Variants in POLR3C observed in about 807,000 individuals in gnomAD.
POLR3C encodes RNA polymerase III subunit C.
A neutral mutation model predicts 65.9 loss-of-function variants in POLR3C; 44 were observed. The observed-to-expected ratio is 0.67, with a 90% CI of 0.52 to 0.86. POLR3C has a LOEUF of 0.86. POLR3C is among the 40% of genes least tolerant of loss of function. The probability of loss-of-function intolerance (pLI) is 0.00; values close to 1 mark genes in which losing one functional copy is unlikely to be tolerated. For missense variants in POLR3C, 576 were observed against 653.2 expected (o/e 0.88, Z 1.29); for synonymous variants, 263 against 231.6 (o/e 1.14, Z -1.23).
At position 145,836,859 on chromosome 1, in the gene POLR3C, T is replaced by C; in HGVS notation, c.1002T>C (p.Tyr334=). The C allele has an allele frequency of 1.9e-6, 3 of 1,572,984 alleles. No individual in the cohort carries two copies. Among genetic ancestry groups the C allele is most frequent in the Admixed American group, 1.7e-5 (1 of 59,408 alleles). Residue 334 remains tyrosine, a synonymous_variant, in exon 9 of 15, where the codon TAT becomes TAC. Transcript: ENST00000334163. ...GKSGDSGGGM[Y]VINLHKALAS... The stretch of plus-strand genomic sequence containing the variant: ...CTGGCGACAGTGGTGGAGGAATGTA[T>C]GTCATCAGTATCCTTACCAGTTATT...
Position 145,825,915 on chromosome 1 carries a change from C to G in POLR3C, c.139C>G (p.Leu47Val). 1 of 1,611,386 alleles carries G rather than the reference C, an allele frequency of 6.2e-7. No individual in the cohort carries two copies. Among genetic ancestry groups the G allele is most frequent in the Non-Finnish European group, 8.5e-7 (1 of 1,177,502 alleles). ...RVIAHDTGTS[L>V]DQVKKALCVL... ...AATTGCCCATGACACAGGAACATCA[C>G]TGGATCAGGTATGTCTAAATGACAT... is the stretch of plus-strand genomic sequence containing the variant. The change falls in exon 2 of 15, where the codon CTG (leucine) becomes GTG (valine). Residue 47 changes from leucine (L) to valine (V), a missense_variant. Leu to Val is a conservative substitution (Grantham distance 32). Transcript: ENST00000334163.
intron 1 of POLR3C, among the ~76,000 whole-genome samples, chr1:145,824,934 C>T (rs1025632759): frequency 6.6e-6 from 1 of 151,980 alleles, no homozygotes; most frequent in African/African-American, 2.4e-5. Context: ...TGTGACAGAC[C>T]GCAAAATCAT....
chr1:145,826,035 T>G, intron 2 of POLR3C, 112 bp downstream of exon 2: 1 of 826,290 alleles, frequency 1.2e-6, no homozygotes, highest in Non-Finnish European at 1.9e-6. Context: ...AAGCCTGCCC[T>G]TGGAGCAGAA....
chr1:145,837,946 C>G, intron 10 of POLR3C, 110 bp from the exon 11 acceptor site: 1 of 954,166 alleles, frequency 1.0e-6, no homozygotes, highest in Admixed American at 2.2e-5. Context: ...GATCACTGTT[C>G]CTGTCTGGTA....
rs1553730059 is a variant in POLR3C at position 145,840,104 on chromosome 1, C to T, written c.1324-12C>T. On this transcript the variant is annotated splice_polypyrimidine_tract_variant and intron_variant, in intron 12 of 14. Coordinates refer to ENST00000334163, the MANE Select transcript of POLR3C (RefSeq NM_006468.8). Reference sequence around the variant, plus strand: ...ACTATGTGCATTCCTTGTCTGTCTTCTCTTTCCTCAGAGCATAGCCAACTT... The same window carrying T: ...ACTATGTGCATTCCTTGTCTGTCTTTTCTTTCCTCAGAGCATAGCCAACTT... The T allele has an allele frequency of 6.2e-7, 1 of 1,603,700 alleles. No individual in the cohort carries two copies. The highest frequency in any genetic ancestry group is 2.2e-5 in the East Asian group (1 of 44,840).
intron 5 of POLR3C, among the ~76,000 whole-genome samples, chr1:145,832,504 G>A (rs1553727437): frequency 6.6e-6 from 1 of 152,076 alleles, no homozygotes; most frequent in African/African-American, 2.4e-5. Context: ...TACCAATATG[G>A]GCATTAACCT....
At position 145,826,837 on chromosome 1, in the gene POLR3C, T is replaced by G. The variant is rs1650795663; in HGVS notation, c.421T>G (p.Tyr141Asp). 6.2e-7 allele frequency: 1 copy of G among 1,609,916 alleles called. No homozygotes were observed. Among genetic ancestry groups the G allele is most frequent in the African/African-American group, 1.3e-5 (1 of 74,702 alleles). Residue 141 changes from tyrosine (Y) to aspartate (D), a missense_variant, in exon 4 of 15, where the codon TAT (tyrosine) becomes GAT (aspartate). Transcript: ENST00000334163. ...ETMEDGKTMD[Y>D]AEVSNTFVRL... is the part of the protein sequence containing the mutation. The stretch of plus-strand genomic sequence containing the variant: ...TTATACAGATGGCAAGACCATGGAC[T>G]ATGCTGAAGTATCAAACACATTTGT...
At chr1:145,840,461 A>C in intron 13 of POLR3C, 2 of 345,660 alleles carry the variant, frequency 5.8e-6, no homozygotes, top group Non-Finnish European at 1.1e-5. Context: ...AATCACTTAA[A>C]CCCAGTGAGT....
chr1:145,825,877 A>C lies in POLR3C; in HGVS notation c.101A>C (p.Gln34Pro). ...GTCCATCTGATAAGAACCGGCAGCC[A>C]GCCACTAAGAGTAATTGCCCATGAC... ...IGVHLIRTGS[Q>P]PLRVIAHDTG... The change falls in exon 2 of 15, where the codon CAG becomes CCG. Residue 34 changes from glutamine to proline, a missense_variant. Coordinates refer to ENST00000334163, the MANE Select transcript of POLR3C (RefSeq NM_006468.8). 4 of 1,613,798 alleles carry C rather than the reference A, an allele frequency of 2.5e-6. No individual in the cohort carries two copies. Among genetic ancestry groups the C allele is most frequent in the Non-Finnish European group, 3.4e-6 (4 of 1,179,638 alleles).
chr1:145,824,423 C>G (rs1004077061), intron 1 of POLR3C, 54 bp downstream of exon 1: 6 of 597,112 alleles, frequency 1.0e-5, no homozygotes, highest in Non-Finnish European at 1.7e-5. Flanking sequence ...CAAGAGACCA[C>G]GTCCGAAACG....
At chr1:145,842,192 A>G (rs1652344166) in intron 14 of POLR3C, 147 bp from the exon 15 acceptor site, 4 of 601,810 alleles carry the variant, frequency 6.6e-6, no homozygotes, top group Admixed American at 3.1e-5. Context: ...GGTAAATAGC[A>G]AAATGATCTA....
chr1:145,826,618 G>A lies in POLR3C; in HGVS notation c.312G>A (p.Glu104=). ...AAACTCTGTACAGTGACACTGGAGAGCTGATTGTTGAGGAGCTTCTGTTGA... is the reference window on the plus strand; with the variant it reads ...AAACTCTGTACAGTGACACTGGAGAACTGATTGTTGAGGAGCTTCTGTTGA... The part of the protein sequence containing the change: ...TTKTLYSDTG[E]LIVEELLLNG... The change falls in exon 3 of 15, where the codon GAG becomes GAA. Residue 104 remains glutamate, a synonymous_variant. Transcript: ENST00000334163. The A allele has an allele frequency of 6.2e-7, 1 of 1,614,140 alleles. No homozygotes were observed. The highest frequency in any genetic ancestry group is 8.5e-7 in the Non-Finnish European group (1 of 1,179,982).
rs587740205 is a variant in POLR3C, at chr1:145,842,829, T to C, written c.*409T>C. The stretch of plus-strand genomic sequence containing the variant: ...TAGATAGATAGATAATTTGTTGTTG[T>C]TGAGACAGGATCTCACTCTGTCACT... On this transcript the variant is annotated 3_prime_UTR_variant, in exon 15 of 15. Transcript: ENST00000334163. 3.3e-5 allele frequency among the ~76,000 whole-genome samples: 3 copies of C among 91,334 alleles called. No homozygotes were observed. The highest frequency in any genetic ancestry group is 2.8e-4 in the South Asian group (1 of 3,520). The allele number at this position is 91,334 out of a possible 152,430, so 59.9% of individuals were successfully genotyped here. A position where few individuals can be genotyped will look rare whatever the true frequency, so the allele number is the denominator to read the frequency against.
chr1:145,842,817 A>AG lies in POLR3C; in HGVS notation c.*397_*398insG, dbSNP rs782192952. 1.3e-5 allele frequency among the ~76,000 whole-genome samples: 2 copies of AG among 151,820 alleles called. No homozygotes were observed. Among genetic ancestry groups the AG allele is most frequent in the Admixed American group, 6.6e-5 (1 of 15,218 alleles). On this transcript the variant is annotated 3_prime_UTR_variant, in exon 15 of 15. Coordinates refer to ENST00000334163, the MANE Select transcript of POLR3C (RefSeq NM_006468.8). Reference sequence around the variant, plus strand: ...GTGATAGATAGATAGATAGATAGATAATTTGTTGTTGTTGAGACAGGATCT... The same window carrying AG: ...GTGATAGATAGATAGATAGATAGATAGATTTGTTGTTGTTGAGACAGGATCT...
chr1:145,828,007 G>C (rs1186362426), intron 4 of POLR3C, among the ~76,000 whole-genome samples: 1 of 79,748 alleles, frequency 1.3e-5, no homozygotes, highest in Non-Finnish European at 3.7e-5. Flanking sequence ...TCTTTGAGAA[G>C]GTGGCATTTG....
At position 145,827,014 on chromosome 1, in the gene POLR3C, T is replaced by A; in HGVS notation, c.589+9T>A. The A allele has an allele frequency of 6.3e-7, 1 of 1,592,508 alleles. No homozygotes were observed. Among genetic ancestry groups the A allele is most frequent in the Non-Finnish European group, 8.6e-7 (1 of 1,165,804 alleles). On this transcript the variant is annotated intron_variant, in intron 4 of 14. Coordinates refer to ENST00000334163, the MANE Select transcript of POLR3C (RefSeq NM_006468.8). ...TAAACTCAGCTTGATAGGTAAGGAA[T>A]TTTAACCCCTGGAACTGTGACTTGC... is the stretch of plus-strand genomic sequence containing the variant.
At chr1:145,837,461 A>C (rs1298386508) in intron 9 of POLR3C, 75 bp from the exon 10 acceptor site, 4 of 705,840 alleles carry the variant, frequency 5.7e-6, no homozygotes, top group Non-Finnish European at 9.6e-6. Flanking sequence ...TATAAATTAG[A>C]AACTTAGGAA....
At chr1:145,824,460 C>T (rs1559139045) in intron 1 of POLR3C, 91 bp downstream of exon 1, 2 of 976,722 alleles carry the variant, frequency 2.0e-6, no homozygotes, top group Admixed American at 2.3e-5. Context: ...AAGTGTAGAG[C>T]TAGGAGCCAA....
At position 145,833,423 on chromosome 1, in the gene POLR3C, T is replaced by C. The variant is rs1296147018; in HGVS notation, c.783+59T>C. The C allele has an allele frequency of 3.9e-5, 59 of 1,512,126 alleles. No homozygotes were observed. In the South Asian group the frequency reaches 5.8e-4, roughly 15 times the overall value. The allele number at this position is 1,512,126 out of a possible 1,614,324, so 93.7% of individuals were successfully genotyped here. On this transcript the variant is annotated intron_variant, in intron 6 of 14. Coordinates refer to ENST00000334163, the MANE Select transcript of POLR3C (RefSeq NM_006468.8). Reference sequence around the variant, plus strand: ...GGGACATTTACTTATTTGTCAGATATGGCCATTGGCACATAGAGCCAGGGG... The same window carrying C: ...GGGACATTTACTTATTTGTCAGATACGGCCATTGGCACATAGAGCCAGGGG...
Sources: allele counts gnomAD v4.1 joint callset (sites outside exome capture counted in the v4.1 genomes callset), GRCh38; gene constraint gnomAD v4.1.1; transcripts MANE v1.5; gene names NCBI Gene and HGNC (gene_info 2026-07-23, HGNC 2026-07-21).